PPARGC1A: variants seen among roughly 807,000 people sequenced by gnomAD.
PPARGC1A encodes the protein peroxisome proliferator-activated receptor gamma coactivator 1-alpha.
Under a neutral mutation model 88.7 loss-of-function variants are expected in PPARGC1A, and 25 were observed. The ratio of observed to expected loss-of-function variants is 0.28; its 90% CI spans 0.21 to 0.39. The LOEUF (loss-of-function observed/expected upper bound fraction) is 0.39, where lower values mean the gene tolerates loss of function less well. Ranked by LOEUF, PPARGC1A falls within the 10% of genes least tolerant of loss-of-function variation. PPARGC1A has a pLI of 1.00. For missense variants in PPARGC1A, 880 were observed against 968.7 expected, an observed-to-expected ratio of 0.91 and a Z score of 1.22; for synonymous variants, 363 against 355.6, an observed-to-expected ratio of 1.02 and a Z score of -0.24.
At chr4:24,150,385 G>A in the PPARGC1A span, among the ~76,000 whole-genome samples, 9 of 152,152 alleles carry the variant, frequency 5.9e-5, no homozygotes, top group Non-Finnish European at 1.0e-4. Context: ...TGGTGGCTTT[G>A]AAGCCTCTGT....
At chr4:24,196,140 C>T in the PPARGC1A span, among the ~76,000 whole-genome samples, 2 of 152,140 alleles carry the variant, frequency 1.3e-5, no homozygotes, top group East Asian at 3.9e-4. Context: ...ATGCCACCAC[C>T]CTCATCCTGA....
the PPARGC1A span, among the ~76,000 whole-genome samples, chr4:24,419,350 CAAGTGT>C: frequency 6.8e-5 from 6 of 88,174 alleles, no homozygotes; most frequent in Non-Finnish European, 5.1e-5. Context: ...AACAAATCTT[CAAGTGT>C]GTGTGTGTGT....
chr4:23,911,062 C>T, the PPARGC1A span, among the ~76,000 whole-genome samples: 8 of 152,178 alleles, frequency 5.3e-5, no homozygotes, highest in Middle Eastern at 3.4e-3. Context: ...ATCCTGGTTT[C>T]CCTGCAGCCC....
the PPARGC1A span, among the ~76,000 whole-genome samples, chr4:24,339,192 A>ATGTGTGTGTGTG: frequency 3.3e-5 from 3 of 91,228 alleles, no homozygotes; most frequent in Non-Finnish European, 6.9e-5. Context: ...AGGTTCATCC[A>ATGTGTGTGTGTG]TGTGTGTGTG....
At chr4:24,100,457 G>T in the PPARGC1A span, among the ~76,000 whole-genome samples, 1 of 152,122 alleles carries the variant, frequency 6.6e-6, no homozygotes, top group Non-Finnish European at 1.5e-5. Context: ...GGTGCAAATG[G>T]CAGGACTCCA....
At chr4:23,936,199 T>C in the PPARGC1A span, among the ~76,000 whole-genome samples, 3 of 152,248 alleles carry the variant, frequency 2.0e-5, no homozygotes, top group South Asian at 2.1e-4. Context: ...ATGCCTACTA[T>C]GTACTATTCT....
At chr4:23,877,577 C>T (rs1715047259) in intron 2 of PPARGC1A, 1 of 146,092 alleles carries the variant, frequency 6.8e-6, no homozygotes. Context: ...TAAAAGGAAC[C>T]TGAGAGGTTA....
At chr4:23,838,790 G>A (rs1726505849) in intron 2 of PPARGC1A, among the ~76,000 whole-genome samples, 1 of 152,098 alleles carries the variant, frequency 6.6e-6, no homozygotes, top group African/African-American at 2.4e-5. Context: ...AAATATGTCT[G>A]TCCATATCAC....
the PPARGC1A span, among the ~76,000 whole-genome samples, chr4:24,434,156 G>A: frequency 6.6e-6 from 1 of 152,198 alleles, no homozygotes; most frequent in African/African-American, 2.4e-5. Flanking sequence ...ACTAATGAGA[G>A]ATATAAACAA....
chr4:24,403,663 C>G, the PPARGC1A span, among the ~76,000 whole-genome samples: 1 of 152,198 alleles, frequency 6.6e-6, no homozygotes, highest in African/African-American at 2.4e-5. Flanking sequence ...CCCAGAAGAT[C>G]TCTTAGGCTC....
At chr4:23,929,260 A>G in the PPARGC1A span, among the ~76,000 whole-genome samples, 1 of 152,248 alleles carries the variant, frequency 6.6e-6, no homozygotes, top group Non-Finnish European at 1.5e-5. Context: ...ACGCTAAAGT[A>G]TTGCTATAGA....
chr4:24,249,832 G>T, the PPARGC1A span, among the ~76,000 whole-genome samples: 2 of 152,178 alleles, frequency 1.3e-5, no homozygotes, highest in East Asian at 1.9e-4. Context: ...GGTGAAGGGG[G>T]TTGCTGTAAG....
At chr4:24,137,043 G>A in the PPARGC1A span, among the ~76,000 whole-genome samples, 2 of 151,596 alleles carry the variant, frequency 1.3e-5, no homozygotes, top group African/African-American at 4.9e-5. Flanking sequence ...AAACCTGGGA[G>A]GTGGAGGTTG....
chr4:24,074,307 T>C, the PPARGC1A span, among the ~76,000 whole-genome samples: 1 of 151,892 alleles, frequency 6.6e-6, no homozygotes, highest in African/African-American at 2.4e-5. Context: ...TTCCTACCAA[T>C]TTCCGTTTCC....
At chr4:23,959,719 C>T in the PPARGC1A span, among the ~76,000 whole-genome samples, 1 of 152,102 alleles carries the variant, frequency 6.6e-6, no homozygotes, top group Non-Finnish European at 1.5e-5. Context: ...TATGACAGGT[C>T]AGTCTTCTTC....
chr4:24,309,979 A>C, the PPARGC1A span, among the ~76,000 whole-genome samples: 1 of 152,348 alleles, frequency 6.6e-6, no homozygotes, highest in Non-Finnish European at 1.5e-5. Context: ...AATAGCGAAA[A>C]TTAGTAAGGA....
the PPARGC1A span, among the ~76,000 whole-genome samples, chr4:24,436,915 C>T: frequency 2.0e-4 from 30 of 152,150 alleles, no homozygotes; most frequent in South Asian, 4.1e-4. Context: ...GAGCTGACAG[C>T]GATTGGCCAC....
chr4:24,443,742 T>A, the PPARGC1A span, among the ~76,000 whole-genome samples: 1 of 147,412 alleles, frequency 6.8e-6, no homozygotes, highest in Non-Finnish European at 1.5e-5. Context: ...TTTTTGTAAA[T>A]ATGGGGTTTT....
At chr4:24,223,589 C>A in the PPARGC1A span, among the ~76,000 whole-genome samples, 1 of 152,168 alleles carries the variant, frequency 6.6e-6, no homozygotes, top group Non-Finnish European at 1.5e-5. Context: ...AGTTAGACTA[C>A]ATCTTGTTTT....
Sources: allele counts gnomAD v4.1 joint callset (sites outside exome capture counted in the v4.1 genomes callset), GRCh38; gene constraint gnomAD v4.1.1; transcripts MANE v1.5; gene names NCBI Gene and HGNC (gene_info 2026-07-23, HGNC 2026-07-21).